COTL1: variants seen among roughly 807,000 people sequenced by gnomAD.
COTL1 encodes the protein coactosin like F-actin binding protein 1, also known as coactosin-like protein.
Under a neutral mutation model 16.5 loss-of-function variants are expected in COTL1, and 15 were observed. The ratio of observed to expected loss-of-function variants is 0.91; its 90% CI spans 0.61 to 1.40. COTL1 has a LOEUF of 1.40. Among genes scored for constraint, COTL1 ranks in the 40% most tolerant of loss-of-function variants. The probability of loss-of-function intolerance (pLI) is 0.00; values close to 1 mark genes in which losing one functional copy is unlikely to be tolerated. For synonymous variants in COTL1, 112 were observed against 85.3 expected (o/e 1.31, Z -1.73); for missense variants, 220 against 201.5 (o/e 1.09, Z -0.56).
rs545016720 is a variant in COTL1, at chr16:84,600,293, T to C, written c.161-10031A>G. ...TAAACTCCTTTTGGTTTATTCCTTA[T>C]AGGGCATGAATAAAGGCTCTTTTTT... On this transcript the variant is annotated intron_variant, in intron 2 of 3. Coordinates refer to ENST00000262428, the MANE Select transcript of COTL1 (RefSeq NM_021149.5). 2.0e-5 allele frequency among the ~76,000 whole-genome samples: 3 copies of C among 150,660 alleles called. No individual in the cohort carries two copies. In the South Asian group the frequency reaches 6.3e-4, roughly 32 times the overall value.
intron 3 of COTL1, among the ~76,000 whole-genome samples, chr16:84,584,902 C>G (rs1410266807): frequency 6.6e-6 from 1 of 152,184 alleles, no homozygotes; most frequent in Admixed American, 6.6e-5. Context: ...CAAGGCCACA[C>G]AGTAAGTGAT....
At chr16:84,605,905 T>A in intron 2 of COTL1, among the ~76,000 whole-genome samples, 1 of 152,242 alleles carries the variant, frequency 6.6e-6, no homozygotes, top group Non-Finnish European at 1.5e-5. Flanking sequence ...ATGCCTGGCC[T>A]AATAAAGGTC....
chr16:84,583,581 T>C (rs1159595452), intron 3 of COTL1, among the ~76,000 whole-genome samples: 2 of 151,874 alleles, frequency 1.3e-5, no homozygotes, highest in Non-Finnish European at 2.9e-5. Context: ...CTCAGACTCC[T>C]GAGTAGCTGG....
intron 2 of COTL1, among the ~76,000 whole-genome samples, chr16:84,598,154 A>G (rs1400270895): frequency 6.6e-6 from 1 of 152,152 alleles, no homozygotes; most frequent in Non-Finnish European, 1.5e-5. Flanking sequence ...CCTGATTTGA[A>G]GACTATGGAT....
At chr16:84,583,786 A>G (rs2925065) in intron 3 of COTL1, among the ~76,000 whole-genome samples, 20,549 of 152,016 alleles carry the variant, frequency 0.14, 2,984 homozygotes, top group African/African-American at 0.36. Flanking sequence ...AGCTATCAGA[A>G]TAGACTCCAA....
intron 2 of COTL1, among the ~76,000 whole-genome samples, chr16:84,593,318 G>T (rs1228951232): frequency 6.6e-6 from 1 of 152,210 alleles, no homozygotes; most frequent in Non-Finnish European, 1.5e-5. Context: ...ACAGGGCCTG[G>T]TGACCAACTG....
chr16:84,589,524 T>C (rs532234654), intron 3 of COTL1, among the ~76,000 whole-genome samples: 113 of 152,212 alleles, frequency 7.4e-4, no homozygotes, highest in African/African-American at 2.6e-3. Flanking sequence ...ATCCCTTTAG[T>C]AGGGAAAGAC....
intron 2 of COTL1, among the ~76,000 whole-genome samples, chr16:84,611,692 A>G (rs1205666552): frequency 6.6e-6 from 1 of 152,246 alleles, no homozygotes; most frequent in Non-Finnish European, 1.5e-5. Flanking sequence ...ACAGGAAGGA[A>G]CAAGTTCCTG....
chr16:84,616,577 G>A (rs1324145695), intron 2 of COTL1: 3 of 151,994 alleles, frequency 2.0e-5, no homozygotes, highest in African/African-American at 7.3e-5. Context: ...CGTAACCTCC[G>A]GGCTGTGCTG....
At chr16:84,617,780 C>T (rs1905536820) in intron 1 of COTL1, 58 bp downstream of exon 1, 3 of 1,510,568 alleles carry the variant, frequency 2.0e-6, no homozygotes, top group South Asian at 2.4e-5. Context: ...CGGCTCGGTG[C>T]ACGAGGCCCC....
intron 2 of COTL1, among the ~76,000 whole-genome samples, chr16:84,615,706 G>T (rs543362403): frequency 6.6e-6 from 1 of 152,210 alleles, no homozygotes; most frequent in Admixed American, 6.5e-5. Flanking sequence ...TTCAACTACA[G>T]AGGCGGAGGG....
intron 2 of COTL1, among the ~76,000 whole-genome samples, chr16:84,598,605 G>A (rs967260471): frequency 3.3e-5 from 5 of 150,874 alleles, no homozygotes; most frequent in African/African-American, 1.2e-4. Context: ...GTGCCTTTAC[G>A]CCTCTCCCAC....
intron 3 of COTL1, chr16:84,576,992 C>A (rs1401693141): frequency 1.3e-5 from 2 of 152,214 alleles, no homozygotes; most frequent in African/African-American, 4.8e-5. Context: ...CTCTGAACTG[C>A]TGAAGAAATA....
In COTL1 at chr16:84,617,502, T is replaced by A; in HGVS notation, c.159A>T (p.Thr53=). ...CGCCCGGCAGGCGCGCCTCCCTACC[T>A]GTGCACTGCTGGATGAAGTGCTGGT... ...AEYQHFIQQC[T]DDVRLFAFVR... The change falls in exon 2 of 4, where the codon ACA becomes ACT. Residue 53 remains threonine (T), a splice_region_variant and synonymous_variant. Transcript: ENST00000262428. 1 of 1,552,064 alleles carries A rather than the reference T, an allele frequency of 6.4e-7. No homozygotes were observed. The highest frequency in any genetic ancestry group is 8.7e-7 in the Non-Finnish European group (1 of 1,147,440).
chr16:84,571,357 T>C (rs561947518), intron 3 of COTL1, among the ~76,000 whole-genome samples: 3 of 152,190 alleles, frequency 2.0e-5, no homozygotes, highest in Non-Finnish European at 2.9e-5. Flanking sequence ...CATGGCCTCA[T>C]AGACAGCAGG....
At chr16:84,615,496 C>T (rs532174841) in intron 2 of COTL1, among the ~76,000 whole-genome samples, 33 of 152,170 alleles carry the variant, frequency 2.2e-4, no homozygotes, top group Middle Eastern at 3.4e-3. Flanking sequence ...ACAGTAGCTT[C>T]AGAGGCAGAA....
At chr16:84,611,129 C>G (rs1188728584) in intron 2 of COTL1, among the ~76,000 whole-genome samples, 3 of 152,204 alleles carry the variant, frequency 2.0e-5, no homozygotes, top group Admixed American at 6.5e-5. Flanking sequence ...CCTGGGAGAT[C>G]TGCCCAAGGT....
intron 3 of COTL1, among the ~76,000 whole-genome samples, chr16:84,579,962 G>A (rs965505428): frequency 2.0e-5 from 3 of 152,238 alleles, no homozygotes; most frequent in African/African-American, 4.8e-5. Context: ...ACCTGTACAC[G>A]TTCGAATGCT....
chr16:84,586,878 C>A (rs567398433), intron 3 of COTL1, among the ~76,000 whole-genome samples: 38 of 152,228 alleles, frequency 2.5e-4, no homozygotes, highest in African/African-American at 8.7e-4. Context: ...GCATGAGCCA[C>A]CACGCCTGGC....
Sources: gnomAD v4.1 joint callset for allele counts (sites outside exome capture counted in the v4.1 genomes callset) on GRCh38, gnomAD v4.1.1 for gene constraint, MANE v1.5 for transcripts, NCBI Gene and HGNC (gene_info 2026-07-23, HGNC 2026-07-21) for gene names.